Variants in DCPH1 observed in about 807,000 individuals in gnomAD.
DCPH1 encodes damage control phosphatase 1, also known as damage-control phosphatase 1.
At chr6:151,461,284 A>T in the DCPH1 span, among the ~76,000 whole-genome samples, 1 of 152,210 alleles carries the variant, frequency 6.6e-6, no homozygotes, top group Non-Finnish European at 1.5e-5. Flanking sequence ...GAGGTTGATC[A>T]GGTTCAGAGA....
the DCPH1 span, chr6:151,458,337 G>A: frequency 1.2e-6 from 2 of 1,610,358 alleles, no homozygotes; most frequent in Non-Finnish European, 1.7e-6. Flanking sequence ...GGAAGGCGTG[G>A]AAGCTGAAAA....
chr6:151,463,613 T>G, the DCPH1 span, among the ~76,000 whole-genome samples: 255 of 152,250 alleles, frequency 1.7e-3, 3 homozygotes, highest in Middle Eastern at 0.082. Context: ...CAGCCATCAT[T>G]TGGATGTTTA....
At chr6:151,452,516 C>T in the DCPH1 span, 5 of 1,610,996 alleles carry the variant, frequency 3.1e-6, no homozygotes, top group East Asian at 4.5e-5. Context: ...ATTGAACAGC[C>T]GAGCTTTGCG....
the DCPH1 span, among the ~76,000 whole-genome samples, chr6:151,465,949 C>T: frequency 2.0e-5 from 3 of 152,162 alleles, no homozygotes; most frequent in Non-Finnish European, 2.9e-5. Context: ...GACAGAGTCT[C>T]GCTCTGTTGC....
chr6:151,466,527 G>A, the DCPH1 span, among the ~76,000 whole-genome samples: 6 of 152,194 alleles, frequency 3.9e-5, no homozygotes, highest in African/African-American at 1.4e-4. Context: ...TGAGCAACAG[G>A]TTAACGTTTC....
chr6:151,458,092 C>T, the DCPH1 span, among the ~76,000 whole-genome samples: 1 of 152,024 alleles, frequency 6.6e-6, no homozygotes, highest in East Asian at 1.9e-4. Flanking sequence ...TAATGGTCAT[C>T]CCACCGAAGA....
At chr6:151,454,514 G>C in the DCPH1 span, 14 of 1,017,738 alleles carry the variant, frequency 1.4e-5, no homozygotes, top group Non-Finnish European at 2.2e-5. Flanking sequence ...TATTGATGCT[G>C]CTAAGTTATA....
chr6:151,467,096 C>CA, the DCPH1 span, among the ~76,000 whole-genome samples: 1 of 151,672 alleles, frequency 6.6e-6, no homozygotes, highest in Admixed American at 6.6e-5. Context: ...ACTAAAAATA[C>CA]AAAAAATTAG....
the DCPH1 span, chr6:151,469,186 T>C: frequency 1.5e-6 from 2 of 1,298,594 alleles, no homozygotes; most frequent in East Asian, 4.8e-5. Flanking sequence ...AGCACGTGAA[T>C]TGAGTCGCCT....
the DCPH1 span, chr6:151,454,621 C>T: frequency 1.9e-6 from 3 of 1,574,910 alleles, no homozygotes; most frequent in Non-Finnish European, 2.6e-6. Context: ...ATTGCATCGA[C>T]ATAAAAGTGA....
At chr6:151,461,186 T>G in the DCPH1 span, among the ~76,000 whole-genome samples, 1 of 152,168 alleles carries the variant, frequency 6.6e-6, no homozygotes, top group Admixed American at 6.5e-5. Context: ...GCTGCCAAAG[T>G]GTTGAAAGAC....
At chr6:151,454,498 T>C in the DCPH1 span, 6 of 857,382 alleles carry the variant, frequency 7.0e-6, no homozygotes, top group Non-Finnish European at 1.2e-5. Context: ...ATAGCCAGTC[T>C]TCTAGTATTG....
chr6:151,462,324 C>CT, the DCPH1 span, among the ~76,000 whole-genome samples: 1 of 152,214 alleles, frequency 6.6e-6, no homozygotes, highest in African/African-American at 2.4e-5. Context: ...CAAAAGTCCA[C>CT]TTTGAGTCCC....
the DCPH1 span, chr6:151,452,497 T>C: frequency 6.2e-7 from 1 of 1,604,192 alleles, no homozygotes; most frequent in South Asian, 1.1e-5. Flanking sequence ...CGCCTCTGTT[T>C]CTGCGGCGAT....
chr6:151,454,203 G>A, the DCPH1 span, among the ~76,000 whole-genome samples: 9 of 152,236 alleles, frequency 5.9e-5, no homozygotes, highest in Middle Eastern at 3.4e-3. Context: ...TGGGACAAGA[G>A]CCTGTTTGAT....
At chr6:151,459,508 T>C in the DCPH1 span, among the ~76,000 whole-genome samples, 1 of 152,338 alleles carries the variant, frequency 6.6e-6, no homozygotes, top group East Asian at 1.9e-4. Context: ...AACTAGTTTT[T>C]AGACCAGGCG....
the DCPH1 span, chr6:151,452,747 T>A: frequency 1.0e-5 from 7 of 692,102 alleles, no homozygotes; most frequent in Admixed American, 3.7e-5. Flanking sequence ...GCGGACTGGC[T>A]CGGAGGCGAA....
At chr6:151,457,863 G>A in the DCPH1 span, among the ~76,000 whole-genome samples, 1 of 151,934 alleles carries the variant, frequency 6.6e-6, no homozygotes, top group African/African-American at 2.4e-5. Flanking sequence ...CAATTGGCCT[G>A]TTATGTGAGA....
At chr6:151,452,576 C>A in the DCPH1 span, 2 of 1,611,388 alleles carry the variant, frequency 1.2e-6, no homozygotes, top group Non-Finnish European at 1.7e-6. Context: ...TCTCTCAGGA[C>A]AGGACGTGGG....
Sources: gnomAD v4.1 joint callset for allele counts (sites outside exome capture counted in the v4.1 genomes callset) on GRCh38, gnomAD v4.1.1 for gene constraint, MANE v1.5 for transcripts, NCBI Gene and HGNC (gene_info 2026-07-23, HGNC 2026-07-21) for gene names.